RANGAP1: variants seen among roughly 807,000 people sequenced by gnomAD.
RANGAP1 encodes the protein ran GTPase-activating protein 1.
In RANGAP1, 38 loss-of-function variants were observed where a neutral mutation model predicts 63.5. The observed-to-expected ratio is 0.60, with a 90% confidence interval of 0.46 to 0.78. RANGAP1 has a LOEUF of 0.78. Ranked by LOEUF, RANGAP1 falls within the 30% of genes least tolerant of loss-of-function variation. RANGAP1 has a pLI of 0.00. For missense variants in RANGAP1, 630 were observed against 740.3 expected, an observed-to-expected ratio of 0.85 and a Z score of 1.73; for synonymous variants, 329 against 310.5, an observed-to-expected ratio of 1.06 and a Z score of -0.63.
At chr22:41,253,929 G>A (rs1414510748) in intron 11 of RANGAP1, among the ~76,000 whole-genome samples, 4 of 151,948 alleles carry the variant, frequency 2.6e-5, no homozygotes, top group South Asian at 2.1e-4. Context: ...CCAATATGGC[G>A]AAACCCCGGC....
intron 5 of RANGAP1, among the ~76,000 whole-genome samples, chr22:41,264,378 G>A (rs556412944): frequency 6.6e-6 from 1 of 152,344 alleles, no homozygotes; most frequent in Admixed American, 6.5e-5. Flanking sequence ...TGAGTATAGG[G>A]ATGCCCCAAG....
chr22:41,263,738 T>A (rs927774295), intron 5 of RANGAP1, among the ~76,000 whole-genome samples: 4 of 152,220 alleles, frequency 2.6e-5, no homozygotes, highest in African/African-American at 9.6e-5. Context: ...CCAAGTGGAC[T>A]TGGGGGAGGG....
chr22:41,252,194 C>A (rs1302730898), intron 12 of RANGAP1, among the ~76,000 whole-genome samples: 1 of 151,640 alleles, frequency 6.6e-6, no homozygotes, highest in African/African-American at 2.4e-5. Flanking sequence ...TAGCTGGGCG[C>A]GGGAGGCTGA....
At chr22:41,253,202 T>A (rs942569380) in intron 11 of RANGAP1, among the ~76,000 whole-genome samples, 28 of 152,222 alleles carry the variant, frequency 1.8e-4, no homozygotes, top group Non-Finnish European at 8.8e-5. Flanking sequence ...CCAGGAGCCT[T>A]TGGGGTGAGG....
chr22:41,286,601 A>G (rs1250046535), upstream of RANGAP1, among the ~76,000 whole-genome samples: 1 of 152,210 alleles, frequency 6.6e-6, no homozygotes, highest in East Asian at 1.9e-4. Flanking sequence ...ACAGGTATCC[A>G]TTTCCCGAAA....
chr22:41,293,966 C>T, the RANGAP1 span, among the ~76,000 whole-genome samples: 4 of 152,000 alleles, frequency 2.6e-5, no homozygotes, highest in East Asian at 7.8e-4. Context: ...CCTGGCCCAC[C>T]TAACTTTTTC....
chr22:41,284,234 G>A (rs748349805), intron 1 of RANGAP1, among the ~76,000 whole-genome samples: 2 of 151,218 alleles, frequency 1.3e-5, no homozygotes, highest in Non-Finnish European at 2.9e-5. Context: ...GCAACAGAGC[G>A]AGACTCACCT....
At chr22:41,301,832 G>A in the RANGAP1 span, 4 of 152,062 alleles carry the variant, frequency 2.6e-5, no homozygotes, top group Admixed American at 2.6e-4. Flanking sequence ...TGCGTCCGGA[G>A]CCGCCCGCGC....
Position 41,254,544 on chromosome 22 carries a change from T to G in RANGAP1, c.1074-50A>C, listed in dbSNP as rs115588161. 6.5e-4 allele frequency: 1,003 copies of G among 1,533,222 alleles called. 9 individuals carry two copies. In the African/African-American group the frequency reaches 0.013, roughly 19 times the overall value. The allele number at this position is 1,533,222 out of a possible 1,614,324, so 95.0% of individuals were successfully genotyped here. On this transcript the variant is annotated intron_variant, in intron 10 of 15. Coordinates refer to ENST00000356244, the MANE Select transcript of RANGAP1 (RefSeq NM_002883.4). ...GATCCTCTCTACCCAGCAGCCCAGG[T>G]TGGCTCTAAGGCCTGGCTCCATGAG... is the stretch of plus-strand genomic sequence containing the variant.
At chr22:41,273,002 G>A (rs964533625) in intron 3 of RANGAP1, among the ~76,000 whole-genome samples, 3 of 151,988 alleles carry the variant, frequency 2.0e-5, no homozygotes, top group Non-Finnish European at 2.9e-5. Flanking sequence ...TTGTAGAGAC[G>A]GGGTTTCACC....
In RANGAP1 at chr22:41,246,789, G is replaced by A. The variant is rs576810894; in HGVS notation, c.1695-117C>T. The stretch of plus-strand genomic sequence containing the variant: ...TAATTTGCACAACGACTCAGCAAGA[G>A]AGACATTAGCCCTCTGCCTTCTGCA... On this transcript the variant is annotated intron_variant, in intron 15 of 15. Transcript: ENST00000356244. 6 of 976,562 alleles carry A rather than the reference G, an allele frequency of 6.1e-6. No homozygotes were observed. The South Asian group carries it at 8.7e-5, about 14-fold the overall frequency. 60.5% of individuals were successfully genotyped at this position (976,562 alleles called of 1,614,324 possible). A position where few individuals can be genotyped will look rare whatever the true frequency, so the allele number is the denominator to read the frequency against.
At chr22:41,289,602 A>C (rs1369062561), upstream of RANGAP1, among the ~76,000 whole-genome samples, 1 of 151,988 alleles carries the variant, frequency 6.6e-6, no homozygotes, top group African/African-American at 2.4e-5. Context: ...CAGCCTAGGC[A>C]ACAAGAGCAA....
chr22:41,296,159 T>C, the RANGAP1 span, among the ~76,000 whole-genome samples: 1 of 151,928 alleles, frequency 6.6e-6, no homozygotes, highest in Non-Finnish European at 1.5e-5. Context: ...CTGAAAGCCA[T>C]TGTACATAGT....
rs1015494610 is a variant in RANGAP1, at chr22:41,274,602, T to G, written c.238A>C (p.Lys80Gln). The G allele has an allele frequency of 1.2e-6, 2 of 1,614,010 alleles. No homozygotes were observed. The highest frequency in any genetic ancestry group is 1.7e-6 in the Non-Finnish European group (2 of 1,179,916). ...AKALEKKSEL[K>Q]RCHWSDMFTG... Reference sequence around the variant, plus strand: ...CCTACTCGCCCCACTCTGCTCACCTTCAACTCCGACTTCTTCTCTAAGGCC... The same window carrying G: ...CCTACTCGCCCCACTCTGCTCACCTGCAACTCCGACTTCTTCTCTAAGGCC... The change falls in exon 3 of 16, where the codon AAG (lysine) becomes CAG (glutamine). Residue 80 changes from lysine (K) to glutamine (Q), a missense_variant and splice_region_variant. By Grantham distance (53) the Lys-to-Gln change is moderately conservative. Coordinates refer to ENST00000356244, the MANE Select transcript of RANGAP1 (RefSeq NM_002883.4).
chr22:41,280,605 G>T, intron 2 of RANGAP1: 1 of 1,197,944 alleles, frequency 8.3e-7, no homozygotes, highest in Non-Finnish European at 1.1e-6. Context: ...GCAAGGGTGG[G>T]GACAACACCG....
At chr22:41,276,155 ACACACAAACACACATG>A (rs1271786301) in intron 2 of RANGAP1, among the ~76,000 whole-genome samples, 1 of 152,228 alleles carries the variant, frequency 6.6e-6, no homozygotes, top group African/African-American at 2.4e-5. Context: ...ATATGTATTC[ACACACAAACACACATG>A]CACACATGTG....
intron 15 of RANGAP1, 41 bp downstream of exon 15, chr22:41,249,289 C>T (rs1471093467): frequency 5.2e-6 from 8 of 1,551,806 alleles, no homozygotes; most frequent in African/African-American, 2.7e-5. Context: ...CAGAGAAGCC[C>T]GAGAGGGCAG....
Position 41,257,574 on chromosome 22 carries a change from T to C in RANGAP1, c.774+374A>G, listed in dbSNP as rs1435057010. ...AGACCAGCTTGGGCAACAGTAAGAT[T>C]CCGTCTCAAAAAGTGATAATAAATA... On this transcript the variant is annotated intron_variant, in intron 7 of 15. Coordinates refer to ENST00000356244, the MANE Select transcript of RANGAP1 (RefSeq NM_002883.4). The surrounding 1 kb of genome is among the most constrained non-coding windows in gnomAD (Gnocchi z 4.0). Among the ~76,000 whole-genome samples, 2 of 152,150 alleles carry C rather than the reference T, an allele frequency of 1.3e-5. No homozygotes were observed. Among genetic ancestry groups the C allele is most frequent in the Non-Finnish European group, 2.9e-5 (2 of 68,032 alleles).
intron 13 of RANGAP1, among the ~76,000 whole-genome samples, chr22:41,250,177 A>AT (rs1463558192): frequency 6.6e-6 from 1 of 152,154 alleles, no homozygotes; most frequent in Non-Finnish European, 1.5e-5. Context: ...GGGTGAGGGG[A>AT]TGTGCAGGGA....
Sources: gnomAD v4.1 joint callset for allele counts (sites outside exome capture counted in the v4.1 genomes callset) on GRCh38, gnomAD v4.1.1 for gene constraint, Gnocchi (gnomAD v3.1) non-coding constraint, MANE v1.5 for transcripts, NCBI Gene and HGNC (gene_info 2026-07-23, HGNC 2026-07-21) for gene names.